The following LMTK2 variants were observed in gnomAD, a reference collection of about 807,000 sequenced individuals.
LMTK2 encodes the protein lemur tail kinase 2, also known as serine/threonine-protein kinase LMTK2.
A neutral mutation model predicts 127.5 loss-of-function variants in LMTK2; 37 were observed. The observed-to-expected ratio is 0.29, with a 90% confidence interval of 0.22 to 0.38. The LOEUF is 0.38. LMTK2 is among the 10% of genes least tolerant of loss of function. The probability of loss-of-function intolerance (pLI) is 1.00; values close to 1 mark genes in which losing one functional copy is unlikely to be tolerated. For synonymous variants in LMTK2, 819 were observed against 810.1 expected, an observed-to-expected ratio of 1.01 and a Z score of -0.19; for missense variants, 1,694 against 1,920.3, an observed-to-expected ratio of 0.88 and a Z score of 2.20.
intron 11 of LMTK2, among the ~76,000 whole-genome samples, chr7:98,196,408 G>C (rs1361444936): frequency 2.0e-5 from 3 of 152,214 alleles, no homozygotes; most frequent in African/African-American, 7.2e-5. Context: ...TCGGGTTTGT[G>C]TTTTGTTTTC....
chr7:98,120,807 T>C (rs1415355023), intron 1 of LMTK2, among the ~76,000 whole-genome samples: 2 of 152,120 alleles, frequency 1.3e-5, no homozygotes, highest in African/African-American at 2.4e-5. Context: ...TGCAACACCC[T>C]GACACTGATT....
chr7:98,165,640 G>A (rs936104184), intron 6 of LMTK2, among the ~76,000 whole-genome samples: 10 of 151,920 alleles, frequency 6.6e-5, no homozygotes, highest in South Asian at 2.1e-4. Flanking sequence ...CACTACCAGC[G>A]GGAGGCCTCC....
chr7:98,205,562 G>C lies in LMTK2; in HGVS notation c.*70G>C. The C allele has an allele frequency of 6.6e-7, 1 of 1,519,206 alleles. No individual in the cohort carries two copies. Among genetic ancestry groups the C allele is most frequent in the Non-Finnish European group, 9.0e-7 (1 of 1,105,772 alleles). The allele number at this position is 1,519,206 out of a possible 1,614,324, so 94.1% of individuals were successfully genotyped here. Reference sequence around the variant, plus strand: ...AGCGGCGCCCCTGCGCCCTCAGCCCGAGCAGCGACATCCACTCGCCATTTG... The same window carrying C: ...AGCGGCGCCCCTGCGCCCTCAGCCCCAGCAGCGACATCCACTCGCCATTTG... On this transcript the variant is annotated 3_prime_UTR_variant, in exon 14 of 14. Coordinates refer to ENST00000297293, the MANE Select transcript of LMTK2 (RefSeq NM_014916.4).
At chr7:98,185,491 TACGTGGTC>T (rs1192421221) in intron 8 of LMTK2, among the ~76,000 whole-genome samples, 1 of 152,218 alleles carries the variant, frequency 6.6e-6, no homozygotes, top group African/African-American at 2.4e-5. Flanking sequence ...GTTTCTCCAT[TACGTGGTC>T]AGTAAAATTT....
At position 98,206,919 on chromosome 7, in the gene LMTK2, C is replaced by G. The variant is rs1484573320; in HGVS notation, c.*1427C>G. ...CGGGGCCTTGGGTGGTCCTGCATGG[C>G]CCGGGACTCATCTCACGGACCCTCC... On this transcript the variant is annotated 3_prime_UTR_variant, in exon 14 of 14. Coordinates refer to ENST00000297293, the MANE Select transcript of LMTK2 (RefSeq NM_014916.4). The G allele has an allele frequency of 6.6e-6, 1 of 152,194 alleles. No homozygotes were observed. The highest frequency in any genetic ancestry group is 2.4e-5 in the African/African-American group (1 of 41,416). 9.4% of individuals were successfully genotyped at this position (152,194 alleles called of 1,614,324 possible).
intron 1 of LMTK2, among the ~76,000 whole-genome samples, chr7:98,118,944 T>C (rs766120004): frequency 6.6e-6 from 1 of 152,040 alleles, no homozygotes. Context: ...TACAAAAAAT[T>C]AGCCAGGTGT....
intron 6 of LMTK2, among the ~76,000 whole-genome samples, chr7:98,163,751 G>A (rs1238780062): frequency 6.6e-6 from 1 of 152,190 alleles, no homozygotes; most frequent in Non-Finnish European, 1.5e-5. Context: ...CTCCCAGCCT[G>A]GATGACCCAA....
intron 7 of LMTK2, among the ~76,000 whole-genome samples, chr7:98,178,377 C>A (rs1183409488): frequency 6.6e-6 from 1 of 152,180 alleles, no homozygotes; most frequent in Non-Finnish European, 1.5e-5. Context: ...AGTGGTACTT[C>A]CTTGTGAATC....
intron 1 of LMTK2, among the ~76,000 whole-genome samples, chr7:98,121,435 T>A (rs377207850): frequency 1.1e-3 from 171 of 150,316 alleles, no homozygotes; most frequent in African/African-American, 4.0e-3. Flanking sequence ...AAGACCATCC[T>A]GGCCAACATG....
At chr7:98,140,134 C>G (rs1438096919) in intron 2 of LMTK2, among the ~76,000 whole-genome samples, 1,415 of 18,140 alleles carry the variant, frequency 0.078, 330 homozygotes, top group African/African-American at 0.28. Flanking sequence ...TTCTTTCTTT[C>G]TTTCTTTCTT....
At position 98,140,201 on chromosome 7, in the gene LMTK2, A is replaced by C. The variant is rs1562902999; in HGVS notation, c.232-1196A>C. ...CTTTTCTTTCTTCTTTCTGTCTTTG[A>C]GATGGTCTCGCTCTATCACCCAGCC... On this transcript the variant is annotated intron_variant, in intron 2 of 13. Transcript: ENST00000297293. Among the ~76,000 whole-genome samples, 2 of 131,316 alleles carry C rather than the reference A, an allele frequency of 1.5e-5. 1 individual carries two copies. Among genetic ancestry groups the C allele is most frequent in the Non-Finnish European group, 3.2e-5 (2 of 62,158 alleles). 86.1% of individuals were successfully genotyped at this position (131,316 alleles called of 152,430 possible). A position where few individuals can be genotyped will look rare whatever the true frequency, so the allele number is the denominator to read the frequency against.
chr7:98,135,947 G>A (rs910707759), intron 1 of LMTK2, among the ~76,000 whole-genome samples: 2 of 151,856 alleles, frequency 1.3e-5, no homozygotes, highest in Non-Finnish European at 2.9e-5. Context: ...CGCAACAGCA[G>A]GCCTCAGGCT....
At chr7:98,198,671 T>G (rs1161625924) in intron 11 of LMTK2, among the ~76,000 whole-genome samples, 1 of 152,080 alleles carries the variant, frequency 6.6e-6, no homozygotes, top group Non-Finnish European at 1.5e-5. Context: ...TTGTATTTTT[T>G]GTTTCGTCAT....
In LMTK2 at chr7:98,191,915, G is replaced by C. The variant is rs147940573; in HGVS notation, c.1450G>C (p.Asp484His). Residue 484 changes from aspartate to histidine, a missense_variant, in exon 11 of 14, where the codon GAC becomes CAC. Around this residue, in one of 8 missense-constraint regions of LMTK2, gnomAD observed 216 missense variants for 266.8 expected, o/e 0.81. Coordinates refer to ENST00000297293, the MANE Select transcript of LMTK2 (RefSeq NM_014916.4). ...FEYVWEAAKHDHFDERSRGHL... is the reference protein window; with the variant it reads ...FEYVWEAAKHHHFDERSRGHL... ...GTATGTCTGGGAGGCCGCTAAGCAC[G>C]ACCACTTTGACGAGCGCAGCCGGGG... 9 of 1,614,058 alleles carry C rather than the reference G, an allele frequency of 5.6e-6. No individual in the cohort carries two copies. The highest frequency in any genetic ancestry group is 5.9e-6 in the Non-Finnish European group (7 of 1,180,026).
chr7:98,151,005 C>T (rs1220321303), intron 3 of LMTK2, among the ~76,000 whole-genome samples: 6 of 152,040 alleles, frequency 3.9e-5, no homozygotes. Flanking sequence ...ATTGATTATA[C>T]TTCAGTAAAA....
chr7:98,169,991 TG>T (rs1365138229), intron 6 of LMTK2, among the ~76,000 whole-genome samples: 1 of 152,216 alleles, frequency 6.6e-6, no homozygotes. Flanking sequence ...CCCAGCAGAT[TG>T]ATAGGATTGA....
At chr7:98,138,818 A>G (rs1208648370) in intron 2 of LMTK2, among the ~76,000 whole-genome samples, 2 of 152,204 alleles carry the variant, frequency 1.3e-5, no homozygotes, top group East Asian at 3.9e-4. Context: ...TCAGGATTGA[A>G]TGCGGGAGTT....
At chr7:98,120,271 T>G in intron 1 of LMTK2, among the ~76,000 whole-genome samples, 1 of 152,198 alleles carries the variant, frequency 6.6e-6, no homozygotes, top group South Asian at 2.1e-4. Context: ...AGGCTTATTT[T>G]TTTTTCCCCC....
At chr7:98,173,985 G>A (rs1189181110) in intron 7 of LMTK2, among the ~76,000 whole-genome samples, 2 of 151,986 alleles carry the variant, frequency 1.3e-5, no homozygotes, top group African/African-American at 4.8e-5. Context: ...GAACCCGGGA[G>A]GTGGAGCTTG....
Sources: allele counts gnomAD v4.1 joint callset (sites outside exome capture counted in the v4.1 genomes callset), GRCh38; gene constraint gnomAD v4.1.1; regional missense constraint gnomAD v4.1.1; transcripts MANE v1.5; gene names NCBI Gene and HGNC (gene_info 2026-07-23, HGNC 2026-07-21).